The following ZNF821 variants were observed in gnomAD, a reference collection of about 807,000 sequenced individuals.
ZNF821 encodes zinc finger protein 821.
A neutral mutation model predicts 44.3 loss-of-function variants in ZNF821; 16 were observed. The observed-to-expected ratio is 0.36, with a 90% confidence interval of 0.24 to 0.55. The LOEUF is 0.55. Among genes scored for constraint, ZNF821 ranks in the 20% least tolerant of loss-of-function variants. The pLI is 0.86. For missense variants in ZNF821, 436 were observed against 547.6 expected (o/e 0.80, Z 2.03); for synonymous variants, 204 against 197.6 (o/e 1.03, Z -0.27).
chr16:71,876,065 C>T (rs1380286394), intron 3 of ZNF821, among the ~76,000 whole-genome samples: 1 of 152,234 alleles, frequency 6.6e-6, no homozygotes, highest in African/African-American at 2.4e-5. Flanking sequence ...CAGCTACTTT[C>T]CTCAAATCTA....
chr16:71,877,000 C>T (rs558095594), intron 3 of ZNF821, among the ~76,000 whole-genome samples: 1 of 152,290 alleles, frequency 6.6e-6, no homozygotes, highest in Non-Finnish European at 1.5e-5. Context: ...CCCTAAACCA[C>T]TCATCTGTGT....
exon 1 of ZNF821, chr16:71,895,118 A>G: frequency 3.0e-6 from 1 of 329,290 alleles, no homozygotes; most frequent in Admixed American, 4.9e-5. Flanking sequence ...AGTCCAGCGA[A>G]AGGCGGCAGC....
At chr16:71,887,259 C>CT (rs60449301), upstream of ZNF821, among the ~76,000 whole-genome samples, 98,007 of 124,866 alleles carry the variant, frequency 0.78, 38,903 homozygotes, top group East Asian at 0.96. Flanking sequence ...TATATTCAAC[C>CT]TTTTTTTTTT....
At chr16:71,883,652 C>A (rs1489236548) in intron 1 of ZNF821, 4 of 152,316 alleles carry the variant, frequency 2.6e-5, no homozygotes, top group Non-Finnish European at 5.9e-5. Context: ...GGGGTGCCCG[C>A]GGCCCGCGCA....
chr16:71,864,819 C>G, intron 5 of ZNF821, 84 bp downstream of exon 5: 1 of 1,561,072 alleles, frequency 6.4e-7, no homozygotes, highest in Non-Finnish European at 8.7e-7. Flanking sequence ...AGAGGCAAGA[C>G]TGTGCCACAG....
intron 3 of ZNF821, among the ~76,000 whole-genome samples, chr16:71,873,372 GAGA>G (rs1273288585): frequency 1.3e-5 from 2 of 151,984 alleles, no homozygotes; most frequent in South Asian, 4.2e-4. Context: ...AGGAGGTAGG[GAGA>G]AGGTCTAACA....
chr16:71,862,579 T>C (rs748281208), intron 6 of ZNF821, among the ~76,000 whole-genome samples: 3 of 152,236 alleles, frequency 2.0e-5, no homozygotes, highest in Non-Finnish European at 4.4e-5. Context: ...TCTCCCTGGC[T>C]CACACTGTGC....
intron 3 of ZNF821, among the ~76,000 whole-genome samples, chr16:71,876,753 G>A (rs568161089): frequency 3.3e-5 from 5 of 152,196 alleles, no homozygotes; most frequent in African/African-American, 9.6e-5. Flanking sequence ...CGCTACAGGT[G>A]TGTGCCACCT....
chr16:71,866,606 C>G (rs1476573928), intron 4 of ZNF821, among the ~76,000 whole-genome samples: 2 of 152,110 alleles, frequency 1.3e-5, no homozygotes, highest in African/African-American at 4.8e-5. Flanking sequence ...ATATATCTCG[C>G]TACTAGAAAA....
At position 71,893,758 on chromosome 16, in the gene ZNF821, C is replaced by CA. The variant is rs530661300; in HGVS notation, n.448+1130dup. Among the ~76,000 whole-genome samples, 203 of 150,040 alleles carry CA rather than the reference C, an allele frequency of 1.4e-3. No homozygotes were observed. In the Middle Eastern group the frequency reaches 0.017, roughly 13 times the overall value. On this transcript the variant is annotated intron_variant and non_coding_transcript_variant, in intron 1 of 2. Transcript: ENST00000561700. ...ACAGGCATAAGCCACCATGCCCAGCCAAAAAAATCTGCACTTTTTTTTTTT... is the reference window on the plus strand; with the variant it reads ...ACAGGCATAAGCCACCATGCCCAGCCAAAAAAAATCTGCACTTTTTTTTTTT...
At chr16:71,892,741 T>C (rs1164079672) in intron 1 of ZNF821, among the ~76,000 whole-genome samples, 9 of 150,568 alleles carry the variant, frequency 6.0e-5, no homozygotes, top group South Asian at 4.2e-4. Context: ...AGGCTTTTTT[T>C]TTTTTTTTGA....
In ZNF821 at chr16:71,859,970, G is replaced by A; in HGVS notation, c.*48C>T. 1 of 1,486,516 alleles carries A rather than the reference G, an allele frequency of 6.7e-7. No individual in the cohort carries two copies. Among genetic ancestry groups the A allele is most frequent in the Non-Finnish European group, 8.9e-7 (1 of 1,117,642 alleles). The allele number at this position is 1,486,516 out of a possible 1,614,324, so 92.1% of individuals were successfully genotyped here. A position where few individuals can be genotyped will look rare whatever the true frequency, so the allele number is the denominator to read the frequency against. On this transcript the variant is annotated 3_prime_UTR_variant, in exon 8 of 8. Coordinates refer to ENST00000425432, the MANE Select transcript of ZNF821 (RefSeq NM_001201552.2). ...ACTGGTCCTCGTGGCTGTGGGTGTG[G>A]GTGGGTGGGTAGGTAGGTGGGAAGG...
chr16:71,884,991 G>A (rs1567450705), upstream of ZNF821, among the ~76,000 whole-genome samples: 1 of 151,850 alleles, frequency 6.6e-6, no homozygotes, highest in Non-Finnish European at 1.5e-5. Context: ...CCGAGTAGCT[G>A]GGACTACAGG....
chr16:71,883,103 C>A (rs1171890930), intron 2 of ZNF821, 108 bp downstream of exon 2: 2 of 456,322 alleles, frequency 4.4e-6, no homozygotes, highest in Non-Finnish European at 8.8e-6. Context: ...AACACTGTCT[C>A]TGCTCTCCCA....
At chr16:71,875,966 T>TA (rs1183215288) in intron 3 of ZNF821, among the ~76,000 whole-genome samples, 2 of 152,180 alleles carry the variant, frequency 1.3e-5, no homozygotes, top group Non-Finnish European at 2.9e-5. Context: ...AGATGCAGCT[T>TA]ATGGATATAT....
At chr16:71,888,011 C>T (rs2036868133), upstream of ZNF821, among the ~76,000 whole-genome samples, 2 of 151,922 alleles carry the variant, frequency 1.3e-5, no homozygotes, top group East Asian at 3.9e-4. Flanking sequence ...TACTGGCATG[C>T]CCTTACAGGC....
At chr16:71,884,707 G>T (rs2036777174), upstream of ZNF821, 1 of 152,124 alleles carries the variant, frequency 6.6e-6, no homozygotes, top group South Asian at 2.1e-4. Flanking sequence ...CTCAGAGCTG[G>T]GAAATCTTGA....
intron 3 of ZNF821, among the ~76,000 whole-genome samples, chr16:71,873,142 C>T (rs2035402935): frequency 6.6e-6 from 1 of 152,114 alleles, no homozygotes; most frequent in Non-Finnish European, 1.5e-5. Flanking sequence ...GCCAACATGG[C>T]ATAACCCTGT....
chr16:71,879,659 T>C (rs976989936), intron 3 of ZNF821, among the ~76,000 whole-genome samples: 2 of 152,162 alleles, frequency 1.3e-5, no homozygotes, highest in Non-Finnish European at 1.5e-5. Flanking sequence ...ATATATCAAG[T>C]GTACATACCC....
Sources: allele counts gnomAD v4.1 joint callset (sites outside exome capture counted in the v4.1 genomes callset), GRCh38; gene constraint gnomAD v4.1.1; transcripts MANE v1.5; gene names NCBI Gene and HGNC (gene_info 2026-07-23, HGNC 2026-07-21).